The following L2HGDH variants were observed in gnomAD, a reference collection of about 807,000 sequenced individuals.
L2HGDH encodes L-2-hydroxyglutarate dehydrogenase, also known as L-2-hydroxyglutarate dehydrogenase, mitochondrial.
L2HGDH carries 34 observed loss-of-function variants against 51.5 expected under a neutral mutation model. That is an observed-to-expected ratio of 0.66 (90% confidence interval 0.50 to 0.88). L2HGDH has a LOEUF of 0.88. Ranked by LOEUF, L2HGDH falls within the 40% of genes least tolerant of loss-of-function variation. The pLI is 0.00. For synonymous variants in L2HGDH, 198 were observed against 197.9 expected, an observed-to-expected ratio of 1.00 and a Z score of -0.01; for missense variants, 558 against 571.9, an observed-to-expected ratio of 0.98 and a Z score of 0.25.
intron 6 of L2HGDH, among the ~76,000 whole-genome samples, chr14:50,273,714 C>T (rs1889818311): frequency 6.6e-6 from 1 of 152,036 alleles, no homozygotes; most frequent in Non-Finnish European, 1.5e-5. Context: ...TATCTGATAA[C>T]AGGTTAATAT....
intron 9 of L2HGDH, among the ~76,000 whole-genome samples, chr14:50,249,503 C>T (rs569295300): frequency 5.9e-5 from 9 of 152,224 alleles, no homozygotes; most frequent in Non-Finnish European, 8.8e-5. Context: ...TTGTGAGGCC[C>T]GCATTATAGG....
Position 50,242,469 on chromosome 14 carries a change from A to T in L2HGDH, c.*4589T>A, listed in dbSNP as rs1887846486. On this transcript the variant is annotated 3_prime_UTR_variant, in exon 10 of 10. Transcript: ENST00000267436. The stretch of plus-strand genomic sequence containing the variant: ...ATAACTTTAATGTGAGATCCTTCCC[A>T]TAAGCAGAAAATACAAGCAATTAAC... 1 of 983,414 alleles carries T rather than the reference A, an allele frequency of 1.0e-6. No homozygotes were observed. Among genetic ancestry groups the T allele is most frequent in the African/African-American group, 1.7e-5 (1 of 57,192 alleles). 60.9% of individuals were successfully genotyped at this position (983,414 alleles called of 1,614,324 possible).
At chr14:50,286,280 G>C (rs1890558964) in intron 4 of L2HGDH, among the ~76,000 whole-genome samples, 1 of 152,080 alleles carries the variant, frequency 6.6e-6, no homozygotes, top group South Asian at 2.1e-4. Context: ...GCCCAGAGAG[G>C]GAGCAGTCAA....
At chr14:50,277,667 G>T (rs12586982) in intron 6 of L2HGDH, among the ~76,000 whole-genome samples, 1 of 151,730 alleles carries the variant, frequency 6.6e-6, no homozygotes, top group Non-Finnish European at 1.5e-5. Context: ...CAGCTACTCG[G>T]GAGGCTGAGG....
At chr14:50,304,862 T>C (rs537231650) in intron 1 of L2HGDH, among the ~76,000 whole-genome samples, 3 of 152,236 alleles carry the variant, frequency 2.0e-5, no homozygotes, top group Admixed American at 1.3e-4. Flanking sequence ...CAACCATGTA[T>C]AATTTATATA....
chr14:50,303,685 G>A (rs565839287), intron 1 of L2HGDH, among the ~76,000 whole-genome samples: 2 of 150,196 alleles, frequency 1.3e-5, no homozygotes, highest in African/African-American at 4.9e-5. Context: ...GCTAAGGCTG[G>A]AGAATCGCTT....
chr14:50,249,171 T>C (rs1391393448), intron 9 of L2HGDH, among the ~76,000 whole-genome samples: 1 of 152,188 alleles, frequency 6.6e-6, no homozygotes, highest in East Asian at 1.9e-4. Flanking sequence ...TGAGTTTCCC[T>C]GCAAGCCTCA....
intron 1 of L2HGDH, among the ~76,000 whole-genome samples, chr14:50,304,376 G>C (rs984371827): frequency 2.0e-5 from 3 of 152,188 alleles, no homozygotes; most frequent in Non-Finnish European, 4.4e-5. Context: ...TCTTGACAAT[G>C]TGTTAACACA....
intron 3 of L2HGDH, 94 bp from the exon 4 acceptor site, chr14:50,294,340 G>A: frequency 8.1e-7 from 1 of 1,227,174 alleles, no homozygotes; most frequent in Non-Finnish European, 1.1e-6. Flanking sequence ...ACTATTGTAT[G>A]ACCCAAAGGA....
chr14:50,291,742 T>G (rs1397030431), intron 4 of L2HGDH, among the ~76,000 whole-genome samples: 1 of 152,208 alleles, frequency 6.6e-6, no homozygotes, highest in African/African-American at 2.4e-5. Flanking sequence ...AAAAATACAT[T>G]TCTATCTTGT....
At chr14:50,306,267 T>C (rs920988506) in intron 1 of L2HGDH, among the ~76,000 whole-genome samples, 10 of 152,118 alleles carry the variant, frequency 6.6e-5, no homozygotes, top group African/African-American at 2.4e-4. Context: ...GCCAGGATGG[T>C]CTCAATCTCT....
intron 5 of L2HGDH, 108 bp from the exon 6 acceptor site, chr14:50,278,662 A>T (rs1363667271): frequency 1.2e-5 from 8 of 664,104 alleles, no homozygotes; most frequent in Non-Finnish European, 2.2e-5. Flanking sequence ...CATTACTATG[A>T]TTGCACCTTA....
intron 9 of L2HGDH, among the ~76,000 whole-genome samples, chr14:50,258,559 G>C (rs1888810323): frequency 6.6e-6 from 1 of 151,856 alleles, no homozygotes; most frequent in South Asian, 2.1e-4. Flanking sequence ...TGTCACCCAG[G>C]CTGGAGTGCA....
In L2HGDH at chr14:50,303,459, T is replaced by TAA. The variant is rs113584778; in HGVS notation, c.141-444_141-443dup. The stretch of plus-strand genomic sequence containing the variant: ...CTGTGCTGTTTGGTTTCACATGTAT[T>TAA]AAAAAAAAAAAACCCTTAAAAGTTA... On this transcript the variant is annotated intron_variant, in intron 1 of 9. Coordinates refer to ENST00000267436, the MANE Select transcript of L2HGDH (RefSeq NM_024884.3). Among the ~76,000 whole-genome samples, 744 of 143,324 alleles carry TAA rather than the reference T, an allele frequency of 5.2e-3. 7 individuals are homozygous for TAA. Among genetic ancestry groups the TAA allele is most frequent in the African/African-American group, 8.1e-3 (313 of 38,786 alleles). The allele number at this position is 143,324 out of a possible 152,430, so 94.0% of individuals were successfully genotyped here. A position where few individuals can be genotyped will look rare whatever the true frequency, so the allele number is the denominator to read the frequency against.
In L2HGDH at chr14:50,246,846, C is replaced by T; in HGVS notation, c.*212G>A. 1.4e-6 allele frequency: 1 copy of T among 731,398 alleles called. No homozygotes were observed. Among genetic ancestry groups the T allele is most frequent in the Non-Finnish European group, 2.1e-6 (1 of 484,080 alleles). 45.3% of individuals were successfully genotyped at this position (731,398 alleles called of 1,614,324 possible). ...CAATTGATTCTCCTGCCTCAGCCTCCTGAGTAGCTGAGATTACAGGCATGC... is the reference window on the plus strand; with the variant it reads ...CAATTGATTCTCCTGCCTCAGCCTCTTGAGTAGCTGAGATTACAGGCATGC... On this transcript the variant is annotated 3_prime_UTR_variant, in exon 10 of 10. Coordinates refer to ENST00000267436, the MANE Select transcript of L2HGDH (RefSeq NM_024884.3).
chr14:50,285,204 G>A (rs1377616507), intron 4 of L2HGDH, among the ~76,000 whole-genome samples: 1 of 152,202 alleles, frequency 6.6e-6, no homozygotes, highest in Non-Finnish European at 1.5e-5. Context: ...CCGAGATGAT[G>A]CCACTGCGCT....
intron 3 of L2HGDH, among the ~76,000 whole-genome samples, chr14:50,298,988 G>A (rs1213619864): frequency 6.6e-6 from 1 of 151,960 alleles, no homozygotes; most frequent in East Asian, 1.9e-4. Context: ...AAAGATCAGA[G>A]CAGAAATAAA....
chr14:50,283,954 T>C lies in L2HGDH; in HGVS notation c.620A>G (p.Gln207Arg), dbSNP rs1330895759. Residue 207 changes from glutamine (Q) to arginine (R), a missense_variant, in exon 5 of 10, where the codon CAA becomes CGA. Around this residue, in one of 3 missense-constraint regions of L2HGDH, gnomAD observed 43 missense variants for 72.9 expected, o/e 0.59. Transcript: ENST00000267436. ...GGTCAAGACAGAGCCACCTGCTTCT[T>C]GGAAATCCTGGGCAAATGACAAAGC... is the stretch of plus-strand genomic sequence containing the variant. ...QVALSFAQDF[Q>R]EAGGSVLTNF... 6.2e-7 allele frequency: 1 copy of C among 1,614,000 alleles called. No individual in the cohort carries two copies. Among genetic ancestry groups the C allele is most frequent in the African/African-American group, 1.3e-5 (1 of 74,922 alleles).
At chr14:50,284,881 T>C (rs961459077) in intron 4 of L2HGDH, among the ~76,000 whole-genome samples, 2 of 152,224 alleles carry the variant, frequency 1.3e-5, no homozygotes, top group African/African-American at 4.8e-5. Flanking sequence ...ATAATACTAT[T>C]GTAAAGATCT....
Sources: allele counts gnomAD v4.1 joint callset (sites outside exome capture counted in the v4.1 genomes callset), GRCh38; gene constraint gnomAD v4.1.1; regional missense constraint gnomAD v4.1.1; transcripts MANE v1.5; gene names NCBI Gene and HGNC (gene_info 2026-07-23, HGNC 2026-07-21).